The following SHANK2 variants were observed in gnomAD, a reference collection of about 807,000 sequenced individuals.
SHANK2 encodes the protein SH3 and multiple ankyrin repeat domains protein 2.
In SHANK2, 43 loss-of-function variants were observed where a neutral mutation model predicts 133.7. The observed-to-expected ratio is 0.32, with a 90% CI of 0.25 to 0.41. The LOEUF (loss-of-function observed/expected upper bound fraction) is 0.41. SHANK2 is among the 10% of genes least tolerant of loss of function. SHANK2 has a pLI of 1.00. For synonymous variants in SHANK2, 1,017 were observed against 952.8 expected, an observed-to-expected ratio of 1.07 and a Z score of -1.24; for missense variants, 1,994 against 2,235.8, an observed-to-expected ratio of 0.89 and a Z score of 2.18.
intron 2 of SHANK2, among the ~76,000 whole-genome samples, chr11:71,164,387 G>A (rs1487203374): frequency 1.3e-5 from 2 of 152,216 alleles, no homozygotes; most frequent in African/African-American, 4.8e-5. Flanking sequence ...AGAGAAGACA[G>A]AAGCATGACC....
At chr11:71,234,183 TAAAAAAAAA>T (rs71049965) in intron 1 of SHANK2, among the ~76,000 whole-genome samples, 10 of 35,472 alleles carry the variant, frequency 2.8e-4, no homozygotes, top group South Asian at 1.9e-3. Context: ...CCCTCTCTAC[TAAAAAAAAA>T]AAAAAAAAAA....
At chr11:70,531,779 C>T (rs1200894257) in intron 17 of SHANK2, among the ~76,000 whole-genome samples, 2 of 152,322 alleles carry the variant, frequency 1.3e-5, no homozygotes, top group African/African-American at 4.8e-5. Context: ...GAAGTGGCTT[C>T]TCCACACCTG....
At chr11:70,700,393 C>T (rs904806693) in intron 14 of SHANK2, among the ~76,000 whole-genome samples, 6 of 152,204 alleles carry the variant, frequency 3.9e-5, no homozygotes, top group African/African-American at 9.6e-5. Context: ...ACCCTCTGCC[C>T]TCCACTCCAT....
In SHANK2 at chr11:70,620,985, A is replaced by G. The variant is rs147673360; in HGVS notation, c.2061+38843T>C. ...CTGAATAAGACATGTGGGGTCCGGT[A>G]TGACGTAATATCTGTGTGACCACAA... is the stretch of plus-strand genomic sequence containing the variant. On this transcript the variant is annotated intron_variant, in intron 17 of 25. Coordinates refer to ENST00000601538, the MANE Select transcript of SHANK2 (RefSeq NM_012309.5). 2.0e-4 allele frequency among the ~76,000 whole-genome samples: 30 copies of G among 152,338 alleles called. No homozygotes were observed. In the East Asian group the frequency reaches 5.8e-3, roughly 29 times the overall value.
At chr11:71,062,140 G>A (rs1167783978) in intron 9 of SHANK2, among the ~76,000 whole-genome samples, 1 of 151,916 alleles carries the variant, frequency 6.6e-6, no homozygotes, top group Non-Finnish European at 1.5e-5. Flanking sequence ...ATTTTCTGTA[G>A]AGACAGGGTT....
chr11:70,691,273 A>G (rs1439223588), intron 15 of SHANK2, among the ~76,000 whole-genome samples: 1 of 152,186 alleles, frequency 6.6e-6, no homozygotes, highest in African/African-American at 2.4e-5. Context: ...AGGAGAAGAC[A>G]GGACTCCTTG....
intron 17 of SHANK2, among the ~76,000 whole-genome samples, chr11:70,611,956 G>A (rs1237195656): frequency 6.6e-6 from 1 of 151,776 alleles, no homozygotes; most frequent in Non-Finnish European, 1.5e-5. Context: ...GCCATGGGAG[G>A]TGGGGGAGGG....
At chr11:71,093,287 G>C (rs1215352669) in intron 7 of SHANK2, among the ~76,000 whole-genome samples, 1 of 152,154 alleles carries the variant, frequency 6.6e-6, no homozygotes, top group African/African-American at 2.4e-5. Context: ...CATGCCCAGT[G>C]GAAAACCACC....
intron 17 of SHANK2, among the ~76,000 whole-genome samples, chr11:70,532,067 C>T: frequency 6.6e-6 from 1 of 152,148 alleles, no homozygotes; most frequent in East Asian, 1.9e-4. Flanking sequence ...ATCACTGCAC[C>T]TGGGCAGAGA....
chr11:71,110,528 C>T (rs782029925), intron 5 of SHANK2, among the ~76,000 whole-genome samples: 26 of 152,062 alleles, frequency 1.7e-4, no homozygotes, highest in African/African-American at 3.1e-4. Flanking sequence ...TCGCCTGAGC[C>T]GAGGCTGCAG....
At chr11:70,515,940 C>T (rs1312380795) in intron 17 of SHANK2, among the ~76,000 whole-genome samples, 1 of 151,920 alleles carries the variant, frequency 6.6e-6, no homozygotes, top group African/African-American at 2.4e-5. Context: ...ATTAATAATA[C>T]ATTTCTTAAT....
intron 17 of SHANK2, among the ~76,000 whole-genome samples, chr11:70,584,940 C>T (rs1369812889): frequency 6.6e-6 from 1 of 152,228 alleles, no homozygotes; most frequent in African/African-American, 2.4e-5. Flanking sequence ...AGTGCTGGCA[C>T]GGTCTGGTGC....
At position 70,569,964 on chromosome 11, in the gene SHANK2, G is replaced by A. The variant is rs971456001; in HGVS notation, c.2062-67033C>T. Among the ~76,000 whole-genome samples, 4 of 152,032 alleles carry A rather than the reference G, an allele frequency of 2.6e-5. No homozygotes were observed. The highest frequency in any genetic ancestry group is 4.4e-5 in the Non-Finnish European group (3 of 68,004). On this transcript the variant is annotated intron_variant, in intron 17 of 25. Coordinates refer to ENST00000601538, the MANE Select transcript of SHANK2 (RefSeq NM_012309.5). The surrounding 1 kb of genome is among the most constrained non-coding windows in gnomAD (Gnocchi z 5.1). Reference sequence around the variant, plus strand: ...TAGAGAGAGAGAGAGAAGGGAGTGAGAGACAGAGACAGGCCCCCAGCACCA... The same window carrying A: ...TAGAGAGAGAGAGAGAAGGGAGTGAAAGACAGAGACAGGCCCCCAGCACCA...
chr11:70,812,379 A>G (rs1948298200), intron 12 of SHANK2, among the ~76,000 whole-genome samples: 1 of 152,190 alleles, frequency 6.6e-6, no homozygotes, highest in African/African-American at 2.4e-5. Flanking sequence ...CTTCTTATTC[A>G]CTGTTAATTT....
chr11:70,844,344 G>T (rs1423849591), intron 11 of SHANK2, among the ~76,000 whole-genome samples: 2 of 151,974 alleles, frequency 1.3e-5, no homozygotes, highest in African/African-American at 2.4e-5. Context: ...TTTTCCATTT[G>T]GGTTGGGGGG....
chr11:70,486,929 G>A lies in SHANK2; in HGVS notation c.3364C>T (p.Arg1122Trp), dbSNP rs1555153990. The A allele has an allele frequency of 2.5e-6, 4 of 1,612,322 alleles. No individual in the cohort carries two copies. Among genetic ancestry groups the A allele is most frequent in the Admixed American group, 3.3e-5 (2 of 60,010 alleles). The change falls in exon 25 of 26, where the codon CGG becomes TGG. Residue 1122 changes from arginine to tryptophan, a missense_variant. Arg to Trp is a moderately radical substitution (Grantham distance 101, BLOSUM62 -3). Transcript: ENST00000601538. The surrounding 1 kb of genome is among the most constrained non-coding windows in gnomAD (Gnocchi z 8.0). ...CCCTCCTCGGGGAACATGGAGGGCCGCGTCCTGGGGGCGGGTGGCCCCAGG... is the reference window on the plus strand; with the variant it reads ...CCCTCCTCGGGGAACATGGAGGGCCACGTCCTGGGGGCGGGTGGCCCCAGG... ...VGLGPPAPRT[R>W]PSMFPEEGDF...
At chr11:70,564,211 A>T (rs2059940820) in intron 17 of SHANK2, among the ~76,000 whole-genome samples, 1 of 150,524 alleles carries the variant, frequency 6.6e-6, no homozygotes, top group Non-Finnish European at 1.5e-5. Flanking sequence ...TTTACTTCAA[A>T]TTTGGAAAAA....
chr11:70,823,931 A>C (rs1306180239), intron 11 of SHANK2, among the ~76,000 whole-genome samples: 1 of 148,968 alleles, frequency 6.7e-6, no homozygotes, highest in Admixed American at 6.7e-5. Flanking sequence ...CAAAGGTGGC[A>C]CTAGCAGAGC....
chr11:70,711,431 G>C (rs112477207), intron 14 of SHANK2, among the ~76,000 whole-genome samples: 72 of 152,374 alleles, frequency 4.7e-4, no homozygotes, highest in Admixed American at 2.2e-3. Context: ...AGAACCACAA[G>C]GAGGAAGAAA....
Sources: allele counts gnomAD v4.1 joint callset (sites outside exome capture counted in the v4.1 genomes callset), GRCh38; gene constraint gnomAD v4.1.1; non-coding constraint Gnocchi (gnomAD v3.1); transcripts MANE v1.5; gene names NCBI Gene and HGNC (gene_info 2026-07-23, HGNC 2026-07-21).